Variants in CDC42BPA observed in about 807,000 individuals in gnomAD.
CDC42BPA encodes the protein serine/threonine-protein kinase MRCK alpha.
CDC42BPA carries 80 observed loss-of-function variants against 223.5 expected under a neutral mutation model. The ratio of observed to expected loss-of-function variants is 0.36; its 90% CI spans 0.30 to 0.43. The LOEUF (loss-of-function observed/expected upper bound fraction) is 0.43, where lower values mean the gene tolerates loss of function less well. Among genes scored for constraint, CDC42BPA ranks in the 20% least tolerant of loss-of-function variants. CDC42BPA has a pLI of 1.00. For missense variants in CDC42BPA, 1,743 were observed against 2,099.9 expected (o/e 0.83, Z 3.32); for synonymous variants, 694 against 718.6 (o/e 0.97, Z 0.55).
Position 227,031,647 on chromosome 1 carries a change from A to G in CDC42BPA, c.3559-133T>C, listed in dbSNP as rs1056627952. 3.5e-4 allele frequency: 238 copies of G among 679,884 alleles called. 1 individual carries two copies. Among genetic ancestry groups the G allele is most frequent in the Non-Finnish European group, 6.0e-5 (24 of 401,700 alleles). 42.1% of individuals were successfully genotyped at this position (679,884 alleles called of 1,614,324 possible). On this transcript the variant is annotated intron_variant, in intron 27 of 36. Transcript: ENST00000366766. ...TTAAATGATACCATTACTGGAGTTCAGCTATTCCTAATCAGAATAACTACC... is the reference window on the plus strand; with the variant it reads ...TTAAATGATACCATTACTGGAGTTCGGCTATTCCTAATCAGAATAACTACC...
chr1:227,236,787 G>A (rs544071820), intron 2 of CDC42BPA, among the ~76,000 whole-genome samples: 39 of 152,146 alleles, frequency 2.6e-4, no homozygotes, highest in Middle Eastern at 3.4e-3. Context: ...ATCATATAAG[G>A]CCGGGCACAG....
At chr1:227,073,274 A>G (rs1450219635) in intron 19 of CDC42BPA, among the ~76,000 whole-genome samples, 2 of 152,172 alleles carry the variant, frequency 1.3e-5, no homozygotes, top group Non-Finnish European at 2.9e-5. Context: ...ACTGTGAATC[A>G]TTTATGTATT....
At chr1:227,056,128 T>C (rs1453748172) in intron 21 of CDC42BPA, among the ~76,000 whole-genome samples, 3 of 152,078 alleles carry the variant, frequency 2.0e-5, no homozygotes, top group Non-Finnish European at 4.4e-5. Flanking sequence ...GACAGCATGG[T>C]TTTCCTATAA....
At chr1:227,076,268 T>C (rs1679451503) in intron 17 of CDC42BPA, among the ~76,000 whole-genome samples, 1 of 152,148 alleles carries the variant, frequency 6.6e-6, no homozygotes. Context: ...CTTATTTATT[T>C]ATTTTTTTGA....
At chr1:227,268,747 G>A (rs982393657) in intron 1 of CDC42BPA, among the ~76,000 whole-genome samples, 9 of 150,320 alleles carry the variant, frequency 6.0e-5, no homozygotes, top group African/African-American at 1.7e-4. Context: ...GTGTACTGGC[G>A]TGATCCCGGT....
At chr1:227,243,454 T>C (rs1237815923) in intron 2 of CDC42BPA, among the ~76,000 whole-genome samples, 1 of 151,850 alleles carries the variant, frequency 6.6e-6, no homozygotes, top group Non-Finnish European at 1.5e-5. Flanking sequence ...CAAACAATAA[T>C]CAGAAACCAC....
rs11804315 is a variant in CDC42BPA at position 227,034,562 on chromosome 1, T to C, written c.3476+93A>G. 7.2e-3 allele frequency: 8,546 copies of C among 1,190,756 alleles called. 411 individuals carry two copies. The African/African-American group carries it at 0.11, about 15-fold the overall frequency. 73.8% of individuals were successfully genotyped at this position (1,190,756 alleles called of 1,614,324 possible). On this transcript the variant is annotated intron_variant, in intron 26 of 36. Transcript: ENST00000366766. ...TTAGAAAATACGAAATTAGTTCATT[T>C]AAATAAACCATGGCAACACAATTTT...
chr1:227,209,116 C>G (rs1458279494), intron 3 of CDC42BPA, among the ~76,000 whole-genome samples: 1 of 143,164 alleles, frequency 7.0e-6, no homozygotes, highest in East Asian at 2.1e-4. Context: ...CTCTTTGAAG[C>G]AATTGTGAAT....
At chr1:227,226,038 A>G (rs1676809634) in intron 2 of CDC42BPA, among the ~76,000 whole-genome samples, 1 of 152,210 alleles carries the variant, frequency 6.6e-6, no homozygotes, top group East Asian at 1.9e-4. Context: ...TCAAGAGGCA[A>G]ATGTTGAAAA....
intron 1 of CDC42BPA, among the ~76,000 whole-genome samples, chr1:227,288,443 A>G (rs953174862): frequency 2.0e-5 from 3 of 152,166 alleles, no homozygotes; most frequent in African/African-American, 7.2e-5. Context: ...TCATGCCTGT[A>G]AACCTAGAAC....
intron 2 of CDC42BPA, among the ~76,000 whole-genome samples, chr1:227,219,605 T>A (rs1209798818): frequency 1.3e-5 from 2 of 152,162 alleles, no homozygotes; most frequent in Non-Finnish European, 2.9e-5. Context: ...TGTTTTTTTT[T>A]AAGAAAGAGC....
intron 35 of CDC42BPA, among the ~76,000 whole-genome samples, chr1:226,995,720 A>G (rs1229845695): frequency 1.3e-5 from 2 of 152,234 alleles, no homozygotes; most frequent in Non-Finnish European, 1.5e-5. Context: ...AAAAGGGAAG[A>G]CCCAGAACAC....
chr1:227,073,930 A>G lies in CDC42BPA; in HGVS notation c.2669T>C (p.Ile890Thr). Residue 890 changes from isoleucine (I) to threonine (T), a missense_variant, in exon 19 of 37, where the codon ATA becomes ACA. Coordinates refer to ENST00000366766, the MANE Select transcript of CDC42BPA (RefSeq NM_001394014.1). Reference protein sequence around the residue: ...LELQSALDAEIRAKQAIQEEL... With the variant: ...LELQSALDAETRAKQAIQEEL... ...TTCTTGGATGGCCTGTTTGGCTCTT[A>G]TTTCTGCATCCAGAGCCGACTGCAA... The G allele has an allele frequency of 6.2e-7, 1 of 1,611,246 alleles. No homozygotes were observed. Among genetic ancestry groups the G allele is most frequent in the South Asian group, 1.1e-5 (1 of 90,360 alleles).
intron 14 of CDC42BPA, among the ~76,000 whole-genome samples, chr1:227,107,157 CAA>C (rs1036243541): frequency 2.0e-5 from 3 of 152,172 alleles, no homozygotes; most frequent in African/African-American, 7.2e-5. Flanking sequence ...TGCATCTTAA[CAA>C]TATTAAATCC....
chr1:227,289,185 A>G (rs966822084), intron 1 of CDC42BPA, among the ~76,000 whole-genome samples: 25 of 152,248 alleles, frequency 1.6e-4, no homozygotes, highest in Admixed American at 6.5e-4. Context: ...ATAAATCTAG[A>G]TATCACCCTT....
chr1:227,166,098 A>G (rs991864000), intron 5 of CDC42BPA, among the ~76,000 whole-genome samples: 3 of 152,266 alleles, frequency 2.0e-5, no homozygotes, highest in Non-Finnish European at 4.4e-5. Context: ...AAATGACAAT[A>G]TTAATTGGTC....
chr1:227,068,654 G>T, intron 21 of CDC42BPA: 1 of 1,192,318 alleles, frequency 8.4e-7, no homozygotes, highest in Non-Finnish European at 1.1e-6. Flanking sequence ...AAAGACTTAC[G>T]TCATCCAAAA....
intron 2 of CDC42BPA, chr1:227,219,446 G>C (rs183049855): frequency 6.6e-6 from 1 of 152,280 alleles, no homozygotes; most frequent in Admixed American, 6.5e-5. Context: ...AAAACCCAGC[G>C]TTAAGTTAAG....
intron 34 of CDC42BPA, among the ~76,000 whole-genome samples, chr1:227,014,119 A>C (rs1427818157): frequency 1.3e-5 from 2 of 152,102 alleles, no homozygotes; most frequent in African/African-American, 4.8e-5. Flanking sequence ...ACTTTAAGCA[A>C]ATGTTCCTAA....
Sources: gnomAD v4.1 joint callset for allele counts (sites outside exome capture counted in the v4.1 genomes callset) on GRCh38, gnomAD v4.1.1 for gene constraint, MANE v1.5 for transcripts, NCBI Gene and HGNC (gene_info 2026-07-23, HGNC 2026-07-21) for gene names.